CPNE4: variants seen among roughly 807,000 people sequenced by gnomAD.
The protein encoded by CPNE4 is copine 4.
CPNE4 carries 25 observed loss-of-function variants against 67.9 expected under a neutral mutation model. The ratio of observed to expected loss-of-function variants is 0.37; its 90% CI spans 0.27 to 0.51. CPNE4 has a LOEUF of 0.51. CPNE4 is among the 20% of genes least tolerant of loss of function. The probability of loss-of-function intolerance (pLI) is 0.93; values close to 1 mark genes in which losing one functional copy is unlikely to be tolerated. For synonymous variants in CPNE4, 242 were observed against 244.9 expected, an observed-to-expected ratio of 0.99 and a Z score of 0.11; for missense variants, 464 against 690.8, an observed-to-expected ratio of 0.67 and a Z score of 3.68.
chr3:131,914,197 C>A (rs1210612439), intron 1 of CPNE4, among the ~76,000 whole-genome samples: 2 of 152,168 alleles, frequency 1.3e-5, no homozygotes, highest in Non-Finnish European at 2.9e-5. Flanking sequence ...TGTCCAGCCA[C>A]AAAGTGGTAA....
chr3:132,025,052 G>C (rs540695236), intron 1 of CPNE4, among the ~76,000 whole-genome samples: 62 of 152,266 alleles, frequency 4.1e-4, no homozygotes, highest in African/African-American at 1.5e-3. Context: ...AATTCCACAG[G>C]AAGGGCCCAT....
chr3:131,580,838 T>C (rs961466474), intron 9 of CPNE4, among the ~76,000 whole-genome samples: 1 of 152,186 alleles, frequency 6.6e-6, no homozygotes, highest in African/African-American at 2.4e-5. Flanking sequence ...TGTTGTCTTG[T>C]TTTTATGGTA....
rs7623216 is a variant in CPNE4 at position 132,025,287 on chromosome 3, G to T, written c.-2+9280C>A. ...ATAAATTTCTGCTGCTGGTCTTGTA[G>T]GGTGGAATGATTGATTTTGTATTCT... is the stretch of plus-strand genomic sequence containing the variant. On this transcript the variant is annotated intron_variant, in intron 1 of 15. Coordinates refer to ENST00000429747, the MANE Select transcript of CPNE4 (RefSeq NM_130808.3). Among the ~76,000 whole-genome samples, 89 of 151,984 alleles carry T rather than the reference G, an allele frequency of 5.9e-4. 1 individual carries two copies. The highest frequency in any genetic ancestry group is 1.1e-3 in the Non-Finnish European group (73 of 67,984).
chr3:131,942,084 T>G (rs1365235420), intron 1 of CPNE4, among the ~76,000 whole-genome samples: 1 of 152,070 alleles, frequency 6.6e-6, no homozygotes, highest in Non-Finnish European at 1.5e-5. Context: ...AAATATTTTG[T>G]AAAACATAAA....
At chr3:131,667,408 G>C (rs2080292331) in intron 7 of CPNE4, among the ~76,000 whole-genome samples, 1 of 151,966 alleles carries the variant, frequency 6.6e-6, no homozygotes, top group Non-Finnish European at 1.5e-5. Context: ...GGCAATGTCT[G>C]AATACACTTT....
intron 12 of CPNE4, among the ~76,000 whole-genome samples, chr3:131,555,292 C>A (rs1009630474): frequency 4.6e-5 from 7 of 151,946 alleles, no homozygotes. Flanking sequence ...CTGAGAAGAC[C>A]CATCCAAAAT....
chr3:131,738,477 A>AAT (rs2082288031), intron 2 of CPNE4, among the ~76,000 whole-genome samples: 1 of 60 alleles, frequency 0.017, no homozygotes, highest in Non-Finnish European at 0.036. Flanking sequence ...AGAAATACCC[A>AAT]GACACCACTT....
At chr3:131,641,278 C>G (rs1356762078) in intron 7 of CPNE4, among the ~76,000 whole-genome samples, 1 of 151,818 alleles carries the variant, frequency 6.6e-6, no homozygotes, top group Admixed American at 6.6e-5. Context: ...TGACAAAGGA[C>G]TAATATCCAA....
chr3:131,565,306 C>T (rs1280758126), intron 10 of CPNE4, among the ~76,000 whole-genome samples: 1 of 152,002 alleles, frequency 6.6e-6, no homozygotes, highest in Non-Finnish European at 1.5e-5. Context: ...AATTCCATTT[C>T]CTTCTGGGGT....
intron 5 of CPNE4, among the ~76,000 whole-genome samples, chr3:131,688,121 T>A (rs1271307106): frequency 6.6e-6 from 1 of 152,154 alleles, no homozygotes; most frequent in Non-Finnish European, 1.5e-5. Flanking sequence ...GGCTCTGCAG[T>A]GAAGAATGCC....
At chr3:131,647,572 A>T (rs1328395093) in intron 7 of CPNE4, among the ~76,000 whole-genome samples, 1 of 152,216 alleles carries the variant, frequency 6.6e-6, no homozygotes, top group African/African-American at 2.4e-5. Context: ...TGTCAGATTC[A>T]TATGAAGATC....
At chr3:131,580,499 C>T (rs186817985) in intron 9 of CPNE4, among the ~76,000 whole-genome samples, 69 of 151,908 alleles carry the variant, frequency 4.5e-4, no homozygotes, top group African/African-American at 1.5e-3. Flanking sequence ...CACGCACACA[C>T]ACACACAACA....
rs188457119 is a variant in CPNE4, at chr3:132,000,244, A to T, written c.-2+34323T>A. 1.6e-3 allele frequency among the ~76,000 whole-genome samples: 247 copies of T among 152,138 alleles called. 2 individuals are homozygous for T. The highest frequency in any genetic ancestry group is 5.0e-3 in the East Asian group (26 of 5,180). ...AATAATGCTGAATGGGCCCAGAAAG[A>T]TAGACAAATTTGGATTCAGCTATAG... On this transcript the variant is annotated intron_variant, in intron 1 of 15. Transcript: ENST00000429747.
chr3:131,840,971 G>A (rs1024441791), intron 2 of CPNE4, among the ~76,000 whole-genome samples: 1 of 152,096 alleles, frequency 6.6e-6, no homozygotes, highest in Non-Finnish European at 1.5e-5. Flanking sequence ...GAAGAGAACA[G>A]AACTCTGTTC....
intron 6 of CPNE4, among the ~76,000 whole-genome samples, chr3:131,679,878 T>C (rs2080694577): frequency 1.3e-5 from 2 of 152,156 alleles, no homozygotes; most frequent in African/African-American, 4.8e-5. Flanking sequence ...AAGTGCCATG[T>C]GGTGGTGAGA....
chr3:131,833,587 T>C (rs2085455262), intron 2 of CPNE4, among the ~76,000 whole-genome samples: 1 of 152,120 alleles, frequency 6.6e-6, no homozygotes, highest in South Asian at 2.1e-4. Flanking sequence ...TTCCAGCTAC[T>C]GGTCAGGGGG....
intron 11 of CPNE4, among the ~76,000 whole-genome samples, chr3:131,562,425 C>T (rs890851142): frequency 7.2e-5 from 11 of 151,970 alleles, no homozygotes; most frequent in South Asian, 4.1e-4. Flanking sequence ...CTTTCTTCCC[C>T]GCAGATTCAG....
chr3:131,771,605 A>T (rs1205667541), intron 2 of CPNE4, among the ~76,000 whole-genome samples: 1 of 152,152 alleles, frequency 6.6e-6, no homozygotes, highest in Non-Finnish European at 1.5e-5. Context: ...AAGCAGCCTG[A>T]GACCTCACCA....
chr3:131,883,506 G>C (rs560874801), intron 2 of CPNE4, among the ~76,000 whole-genome samples: 2 of 152,190 alleles, frequency 1.3e-5, no homozygotes, highest in South Asian at 4.2e-4. Flanking sequence ...ATGCACTTTT[G>C]TCTCTCCACA....
Sources: gnomAD v4.1 joint callset for allele counts (sites outside exome capture counted in the v4.1 genomes callset) on GRCh38, gnomAD v4.1.1 for gene constraint, MANE v1.5 for transcripts, NCBI Gene and HGNC (gene_info 2026-07-23, HGNC 2026-07-21) for gene names.